TEX11: variants seen among roughly 807,000 people sequenced by gnomAD.
TEX11 encodes testis expressed 11, also known as testis-expressed protein 11.
A neutral mutation model predicts 84.4 loss-of-function variants in TEX11; 7 were observed. The observed-to-expected ratio is 0.08, with a 90% CI of 0.05 to 0.16. The LOEUF (loss-of-function observed/expected upper bound fraction) is 0.16, where lower values mean the gene tolerates loss of function less well. Ranked by LOEUF, TEX11 falls within the 10% of genes least tolerant of loss-of-function variation. The pLI is 1.00. For synonymous variants in TEX11, 264 were observed against 222.8 expected (o/e 1.18, Z -1.64); for missense variants, 551 against 660.5 (o/e 0.83, Z 1.82).
At chrX:70,873,545 C>A (rs775112590) in intron 3 of TEX11, among the ~76,000 whole-genome samples, 1 of 111,582 alleles carries the variant, frequency 9.0e-6, no homozygotes, top group East Asian at 2.8e-4. Context: ...TATTGATATA[C>A]CTTCACCTGA....
intron 8 of TEX11, among the ~76,000 whole-genome samples, chrX:70,816,213 A>G (rs1439027910): frequency 8.9e-6 from 1 of 112,126 alleles, no homozygotes; most frequent in Non-Finnish European, 1.9e-5. Flanking sequence ...TTCGCTTAGA[A>G]TAATAGTCTC....
chrX:70,522,016 A>C, the TEX11 span, among the ~76,000 whole-genome samples: 4 of 110,613 alleles, frequency 3.6e-5, no homozygotes, highest in African/African-American at 1.3e-4. Flanking sequence ...TCATCACAAC[A>C]CCTGGCTAAG....
intron 14 of TEX11, among the ~76,000 whole-genome samples, chrX:70,679,992 G>T (rs1227793162): frequency 1.3e-5 from 1 of 75,477 alleles, no homozygotes; most frequent in African/African-American, 4.7e-5. Context: ...CAGCCGCCCC[G>T]TCCGGGAGGT....
chrX:70,543,551 T>C (rs1476950122), intron 28 of TEX11, among the ~76,000 whole-genome samples: 1 of 112,483 alleles, frequency 8.9e-6, no homozygotes, highest in African/African-American at 3.2e-5. Flanking sequence ...GGCTTAGAAA[T>C]AGAATTTCCT....
chrX:70,552,010 A>G, intron 28 of TEX11, 116 bp downstream of exon 28: 1 of 843,752 alleles, frequency 1.2e-6, no homozygotes. Flanking sequence ...CAAAATTGTA[A>G]TATGAATTTA....
intron 8 of TEX11, among the ~76,000 whole-genome samples, chrX:70,810,456 T>C (rs1014130189): frequency 8.9e-6 from 1 of 111,907 alleles, no homozygotes; most frequent in African/African-American, 3.3e-5. Flanking sequence ...TGGAATACTA[T>C]GCAGCCATAA....
At chrX:70,529,695 T>C in intron 29 of TEX11, 140 bp downstream of exon 29, 1 of 609,535 alleles carries the variant, frequency 1.6e-6, no homozygotes, top group Non-Finnish European at 2.4e-6. Context: ...ATTCTTGAAG[T>C]TATGTGGAAC....
intron 17 of TEX11, among the ~76,000 whole-genome samples, chrX:70,648,180 G>A (rs1026997111): frequency 5.4e-5 from 6 of 110,824 alleles, no homozygotes; most frequent in African/African-American, 1.6e-4. Flanking sequence ...ACCAAACACC[G>A]CATATTCTCA....
chrX:70,842,303 C>G, intron 7 of TEX11, among the ~76,000 whole-genome samples: 1 of 111,195 alleles, frequency 9.0e-6, no homozygotes, highest in Non-Finnish European at 1.9e-5. Flanking sequence ...GGGCTTCATC[C>G]CTGGGATGCA....
At chrX:70,904,724 G>A (rs745837293) in intron 2 of TEX11, among the ~76,000 whole-genome samples, 2 of 111,917 alleles carry the variant, frequency 1.8e-5, no homozygotes, top group African/African-American at 6.5e-5. Context: ...CACTTGAAAT[G>A]TGGCTGATCC....
downstream of TEX11, among the ~76,000 whole-genome samples, chrX:70,526,155 G>C (rs983102749): frequency 2.7e-5 from 3 of 111,806 alleles, no homozygotes; most frequent in Non-Finnish European, 3.8e-5. Context: ...ATCATACAGA[G>C]AGAATGAGCC....
intron 11 of TEX11, among the ~76,000 whole-genome samples, chrX:70,732,598 C>T (rs900610922): frequency 5.4e-5 from 6 of 111,384 alleles, no homozygotes. Context: ...TTACAAAAGA[C>T]ATGAAGGACC....
intron 16 of TEX11, among the ~76,000 whole-genome samples, chrX:70,663,878 C>G (rs759535491): frequency 9.0e-6 from 1 of 111,409 alleles, no homozygotes; most frequent in South Asian, 3.8e-4. Flanking sequence ...CCAGGACACC[C>G]TCGGATATCA....
chrX:70,864,464 G>A (rs1399983507), intron 4 of TEX11, among the ~76,000 whole-genome samples: 1 of 110,360 alleles, frequency 9.1e-6, no homozygotes, highest in Admixed American at 9.8e-5. Context: ...TCAGCGGGGT[G>A]CAGTGGCTCA....
chrX:70,622,474 A>G (rs1200516538), intron 20 of TEX11, among the ~76,000 whole-genome samples: 2 of 112,023 alleles, frequency 1.8e-5, no homozygotes, highest in Non-Finnish European at 3.8e-5. Flanking sequence ...AGAAATATGA[A>G]GCATCTTTAA....
intron 7 of TEX11, among the ~76,000 whole-genome samples, chrX:70,839,766 A>G (rs1569453004): frequency 1.8e-5 from 2 of 111,622 alleles, no homozygotes; most frequent in Non-Finnish European, 3.8e-5. Flanking sequence ...AACGGATACT[A>G]GAATAACCAA....
At chrX:70,615,634 A>T (rs759085872) in intron 20 of TEX11, among the ~76,000 whole-genome samples, 4 of 112,250 alleles carry the variant, frequency 3.6e-5, no homozygotes, top group Admixed American at 1.9e-4. Context: ...GGATAATAAT[A>T]GAAAACTAGA....
the TEX11 span, among the ~76,000 whole-genome samples, chrX:70,518,873 G>A: frequency 8.1e-5 from 9 of 111,467 alleles, no homozygotes; most frequent in African/African-American, 2.9e-4. Context: ...TTATGTAATG[G>A]CCTTGTCTAT....
intron 17 of TEX11, among the ~76,000 whole-genome samples, chrX:70,632,570 T>C (rs990175378): frequency 2.7e-5 from 3 of 110,870 alleles, no homozygotes; most frequent in African/African-American, 9.8e-5. Flanking sequence ...GTTCGTTTTT[T>C]TGAGACTCTA....
Sources: allele counts gnomAD v4.1 joint callset (sites outside exome capture counted in the v4.1 genomes callset), GRCh38; gene constraint gnomAD v4.1.1; transcripts MANE v1.5; gene names NCBI Gene and HGNC (gene_info 2026-07-23, HGNC 2026-07-21).